CA10: variants seen among roughly 807,000 people sequenced by gnomAD.
The protein encoded by CA10 is carbonic anhydrase-related protein 10.
A neutral mutation model predicts 44.2 loss-of-function variants in CA10; 14 were observed. That is an observed-to-expected ratio of 0.32 (90% CI 0.21 to 0.50). The LOEUF (loss-of-function observed/expected upper bound fraction) is 0.50. Ranked by LOEUF, CA10 falls within the 20% of genes least tolerant of loss-of-function variation. CA10 has a pLI of 0.99. For missense variants in CA10, 350 were observed against 409.7 expected (o/e 0.85, Z 1.26); for synonymous variants, 159 against 141.6 (o/e 1.12, Z -0.87).
At chr17:52,041,971 T>A (rs990320284) in intron 2 of CA10, among the ~76,000 whole-genome samples, 1 of 152,022 alleles carries the variant, frequency 6.6e-6, no homozygotes, top group Non-Finnish European at 1.5e-5. Context: ...TGTGAGAAAA[T>A]CACATGTTCT....
intron 2 of CA10, among the ~76,000 whole-genome samples, chr17:51,969,854 T>A (rs980930155): frequency 1.3e-5 from 2 of 151,674 alleles, no homozygotes; most frequent in East Asian, 1.9e-4. Context: ...GGAAAAAAAA[T>A]AAAATAAAAA....
intron 2 of CA10, among the ~76,000 whole-genome samples, chr17:51,986,427 T>G (rs1283041789): frequency 6.6e-6 from 1 of 152,034 alleles, no homozygotes; most frequent in Non-Finnish European, 1.5e-5. Flanking sequence ...AGAGAAATCC[T>G]TGTAGATGTT....
chr17:51,777,228 A>G (rs1905857181), intron 3 of CA10, among the ~76,000 whole-genome samples: 1 of 152,198 alleles, frequency 6.6e-6, no homozygotes, highest in Non-Finnish European at 1.5e-5. Flanking sequence ...TTGATTCTGG[A>G]CATTTGAGTT....
chr17:52,034,568 G>C (rs1415233233), intron 2 of CA10, among the ~76,000 whole-genome samples: 1 of 152,066 alleles, frequency 6.6e-6, no homozygotes, highest in Non-Finnish European at 1.5e-5. Flanking sequence ...GGTTACATAG[G>C]AGTCCCCTCT....
At chr17:52,126,346 G>A (rs1267541199) in intron 1 of CA10, among the ~76,000 whole-genome samples, 5 of 152,162 alleles carry the variant, frequency 3.3e-5, no homozygotes, top group Non-Finnish European at 5.9e-5. Context: ...TAATTTTGAT[G>A]TAATGCAGTG....
chr17:52,092,544 T>G (rs1988295094), intron 1 of CA10, among the ~76,000 whole-genome samples: 1 of 152,084 alleles, frequency 6.6e-6, no homozygotes, highest in South Asian at 2.1e-4. Context: ...ACAAGGCTAT[T>G]CTTCCTAATC....
chr17:51,839,182 G>C (rs1978298829), intron 3 of CA10, among the ~76,000 whole-genome samples: 1 of 152,148 alleles, frequency 6.6e-6, no homozygotes, highest in South Asian at 2.1e-4. Context: ...ACCATGTGCA[G>C]AATGTTGTGA....
chr17:52,026,943 G>A (rs1986321335), intron 2 of CA10, among the ~76,000 whole-genome samples: 1 of 151,930 alleles, frequency 6.6e-6, no homozygotes, highest in Admixed American at 6.6e-5. Flanking sequence ...TGGGGCAAAG[G>A]TTTCAGGATG....
At chr17:51,746,817 C>A (rs978917220) in intron 4 of CA10, among the ~76,000 whole-genome samples, 1 of 152,198 alleles carries the variant, frequency 6.6e-6, no homozygotes, top group African/African-American at 2.4e-5. Flanking sequence ...CAGATTTATA[C>A]ATGATCTTTA....
At chr17:52,108,328 C>T (rs1206581147) in intron 1 of CA10, among the ~76,000 whole-genome samples, 1 of 150,828 alleles carries the variant, frequency 6.6e-6, no homozygotes, top group East Asian at 1.9e-4. Context: ...AGTGAAGTAA[C>T]TCAGGAATCA....
At chr17:52,094,318 C>A (rs1372627204) in intron 1 of CA10, among the ~76,000 whole-genome samples, 26 of 144,462 alleles carry the variant, frequency 1.8e-4, no homozygotes, top group Non-Finnish European at 1.4e-4. Flanking sequence ...ATGTATAAAG[C>A]AAAAAAAAAA....
intron 4 of CA10, among the ~76,000 whole-genome samples, chr17:51,717,445 A>G (rs1216712898): frequency 6.6e-6 from 1 of 150,394 alleles, no homozygotes; most frequent in African/African-American, 2.5e-5. Flanking sequence ...TTGTGCACGC[A>G]TATTTCTAGC....
intron 2 of CA10, among the ~76,000 whole-genome samples, chr17:52,048,771 G>A (rs1986982662): frequency 6.6e-6 from 1 of 152,026 alleles, no homozygotes; most frequent in Admixed American, 6.6e-5. Flanking sequence ...GTAGCTACAT[G>A]CTGGGGAATT....
intron 2 of CA10, among the ~76,000 whole-genome samples, chr17:52,035,648 G>A (rs1986595217): frequency 6.6e-6 from 1 of 152,190 alleles, no homozygotes; most frequent in Admixed American, 6.5e-5. Flanking sequence ...GGGCTTCAGG[G>A]GTCACAGGCA....
chr17:51,857,432 T>G (rs1039556184), intron 3 of CA10, among the ~76,000 whole-genome samples: 1 of 152,152 alleles, frequency 6.6e-6, no homozygotes, highest in Non-Finnish European at 1.5e-5. Flanking sequence ...GACTCTGTAT[T>G]TTAACAGGAA....
At chr17:51,991,989 A>G (rs756767061) in intron 2 of CA10, among the ~76,000 whole-genome samples, 20 of 151,988 alleles carry the variant, frequency 1.3e-4, no homozygotes, top group Non-Finnish European at 1.5e-4. Context: ...TGTTTTTATT[A>G]CAAAACATTT....
At chr17:51,698,562 TTTTC>T (rs1915478965) in intron 4 of CA10, among the ~76,000 whole-genome samples, 1 of 152,240 alleles carries the variant, frequency 6.6e-6, no homozygotes, top group Non-Finnish European at 1.5e-5. Context: ...CTTTTCTCTT[TTTTC>T]TTTGATAGGA....
intron 1 of CA10, among the ~76,000 whole-genome samples, chr17:52,126,278 A>G (rs1989117490): frequency 6.6e-6 from 1 of 152,216 alleles, no homozygotes; most frequent in South Asian, 2.1e-4. Context: ...TCACATATGA[A>G]AGAATAGAAA....
intron 3 of CA10, among the ~76,000 whole-genome samples, chr17:51,768,214 G>A (rs546166042): frequency 4.0e-5 from 6 of 150,568 alleles, no homozygotes; most frequent in Non-Finnish European, 2.9e-5. Context: ...TCTGGTAGCA[G>A]CAGTTCTTAA....
Sources: allele counts gnomAD v4.1 joint callset (sites outside exome capture counted in the v4.1 genomes callset), GRCh38; gene constraint gnomAD v4.1.1; transcripts MANE v1.5; gene names NCBI Gene and HGNC (gene_info 2026-07-23, HGNC 2026-07-21).